The following CHODL variants were observed in gnomAD, a reference collection of about 807,000 sequenced individuals.
The protein encoded by CHODL is chondrolectin.
Under a neutral mutation model 34.5 loss-of-function variants are expected in CHODL, and 29 were observed. The ratio of observed to expected loss-of-function variants is 0.84; its 90% CI spans 0.63 to 1.15. CHODL has a LOEUF of 1.15. CHODL is among the 50% of genes most tolerant of loss of function. The pLI is 0.00. For synonymous variants in CHODL, 125 were observed against 116.1 expected (o/e 1.08, Z -0.49); for missense variants, 332 against 332.5 (o/e 1.00, Z 0.01).
At chr21:18,140,492 C>T (rs1003969433) in intron 2 of CHODL, among the ~76,000 whole-genome samples, 1 of 151,958 alleles carries the variant, frequency 6.6e-6, no homozygotes, top group Non-Finnish European at 1.5e-5. Flanking sequence ...TATGAAAAAC[C>T]CTTATAGACC....
chr21:18,194,479 T>C (rs906821190), intron 2 of CHODL, among the ~76,000 whole-genome samples: 1 of 152,164 alleles, frequency 6.6e-6, no homozygotes, highest in African/African-American at 2.4e-5. Flanking sequence ...CGCTCCTGAT[T>C]TTCTCACGGC....
At chr21:17,979,008 C>A (rs1301974336) in intron 1 of CHODL, among the ~76,000 whole-genome samples, 2 of 152,154 alleles carry the variant, frequency 1.3e-5, no homozygotes, top group Non-Finnish European at 2.9e-5. Context: ...CTTTCCTTTG[C>A]TTTCCTCTTC....
chr21:18,086,976 G>A (rs1664703), intron 2 of CHODL, among the ~76,000 whole-genome samples: 61,883 of 151,740 alleles, frequency 0.41, 13,727 homozygotes, highest in Non-Finnish European at 0.51. Context: ...AGCAGTCCAT[G>A]TGGGTGTTCC....
Position 18,027,662 on chromosome 21 carries a change from A to G in CHODL, c.-144-210A>G, listed in dbSNP as rs143486811. 3.7e-4 allele frequency among the ~76,000 whole-genome samples: 56 copies of G among 152,262 alleles called. 1 individual carries two copies. The highest frequency in any genetic ancestry group is 1.3e-3 in the African/African-American group (54 of 41,558). ...AATTTTGTACCTTGCTGTGACCCCC[A>G]GAGTGATTTCAGTTTGCTATAGACT... is the stretch of plus-strand genomic sequence containing the variant. On this transcript the variant is annotated intron_variant, in intron 1 of 6. Coordinates refer to the CHODL transcript ENST00000400127.
At chr21:17,998,241 A>T (rs1294379126) in intron 1 of CHODL, among the ~76,000 whole-genome samples, 1 of 152,248 alleles carries the variant, frequency 6.6e-6, no homozygotes, top group Admixed American at 6.5e-5. Flanking sequence ...TCTCACACCC[A>T]GGTCATGCTG....
intron 2 of CHODL, among the ~76,000 whole-genome samples, chr21:18,048,764 C>T (rs980443018): frequency 1.3e-5 from 2 of 151,776 alleles, no homozygotes; most frequent in Non-Finnish European, 2.9e-5. Flanking sequence ...TTTTTTGGAT[C>T]TATTTTGCAT....
chr21:18,108,560 G>A (rs1399461636), intron 2 of CHODL, among the ~76,000 whole-genome samples: 1 of 152,126 alleles, frequency 6.6e-6, no homozygotes, highest in Non-Finnish European at 1.5e-5. Flanking sequence ...CAATACAGGT[G>A]CAACACATTA....
chr21:18,046,789 A>T (rs1367298944), intron 2 of CHODL, among the ~76,000 whole-genome samples: 1 of 151,936 alleles, frequency 6.6e-6, no homozygotes, highest in Non-Finnish European at 1.5e-5. Context: ...TAGTTGTCAC[A>T]AAATAGCTAT....
At chr21:18,047,846 A>G (rs887323787) in intron 2 of CHODL, among the ~76,000 whole-genome samples, 2 of 152,004 alleles carry the variant, frequency 1.3e-5, no homozygotes, top group African/African-American at 4.8e-5. Context: ...GATATTGACT[A>G]TGAGAAAAAC....
In CHODL at chr21:18,256,575, C is replaced by A; in HGVS notation, c.146C>A (p.Ser49Tyr). The A allele has an allele frequency of 6.2e-7, 1 of 1,613,690 alleles. No homozygotes were observed. Among genetic ancestry groups the A allele is most frequent in the Non-Finnish European group, 8.5e-7 (1 of 1,179,964 alleles). The change falls in exon 2 of 6, where the codon TCC becomes TAC. Residue 49 changes from serine (S) to tyrosine (Y), a missense_variant. Physicochemically the swap from Ser to Tyr is moderately radical, Grantham distance 144. Transcript: ENST00000299295. ...AAAATGGCCTACTTCCATGAACTGTCCAGCCGAGTGAGCTTTCAGGAGGCA... is the reference window on the plus strand; with the variant it reads ...AAAATGGCCTACTTCCATGAACTGTACAGCCGAGTGAGCTTTCAGGAGGCA... ...CYKMAYFHEL[S>Y]SRVSFQEARL...
chr21:18,151,840 G>C (rs1463024489), intron 2 of CHODL, among the ~76,000 whole-genome samples: 1 of 152,128 alleles, frequency 6.6e-6, no homozygotes, highest in Non-Finnish European at 1.5e-5. Flanking sequence ...TTGTGGTTGA[G>C]AGCAGAGGAA....
chr21:18,119,816 T>C (rs2065458383), intron 2 of CHODL, among the ~76,000 whole-genome samples: 1 of 152,166 alleles, frequency 6.6e-6, no homozygotes, highest in Admixed American at 6.5e-5. Flanking sequence ...ATCTAGTCAA[T>C]GCTCTGATTT....
rs146980152 is a variant in CHODL at position 18,196,054 on chromosome 21, C to CAGAA, written c.-44-60454_-44-60451dup. 9.8e-3 allele frequency among the ~76,000 whole-genome samples: 1,491 copies of CAGAA among 152,240 alleles called. 32 individuals are homozygous for CAGAA. The highest frequency in any genetic ancestry group is 0.034 in the African/African-American group (1,425 of 41,532). ...CGTGTGTAATATAAGAGTGTTGGAT[C>CAGAA]AGAATTATGTCCAAGGTGCTTTCCA... On this transcript the variant is annotated intron_variant, in intron 2 of 6. Transcript: ENST00000400127.
intron 2 of CHODL, among the ~76,000 whole-genome samples, chr21:18,219,892 T>G (rs1438714111): frequency 2.0e-5 from 3 of 152,154 alleles, no homozygotes; most frequent in African/African-American, 7.2e-5. Flanking sequence ...GTCTCTTCAC[T>G]CTGTTGATTG....
chr21:18,262,709 T>C (rs914778522), intron 4 of CHODL, 82 bp from the exon 5 acceptor site: 4 of 799,064 alleles, frequency 5.0e-6, no homozygotes, highest in Non-Finnish European at 8.4e-6. Context: ...TTCACCTGAA[T>C]TTTTTGAAAC....
intron 2 of CHODL, among the ~76,000 whole-genome samples, chr21:18,167,588 C>T (rs1035024167): frequency 1.3e-5 from 2 of 152,128 alleles, no homozygotes; most frequent in African/African-American, 2.4e-5. Context: ...GGTTTACAGG[C>T]GTGAGCCACC....
At chr21:18,157,193 C>T (rs1229244103) in intron 2 of CHODL, among the ~76,000 whole-genome samples, 1 of 152,128 alleles carries the variant, frequency 6.6e-6, no homozygotes, top group Non-Finnish European at 1.5e-5. Context: ...GTTTAGCTTG[C>T]AGAAGCAAGG....
intron 2 of CHODL, among the ~76,000 whole-genome samples, chr21:18,235,026 T>C (rs867450016): frequency 6.6e-6 from 1 of 152,086 alleles, no homozygotes; most frequent in Non-Finnish European, 1.5e-5. Context: ...AGGAGAATAA[T>C]AACATAAGAG....
rs2063230466 is a variant in CHODL, at chr21:17,927,058, ATATGTATGTATATGTATATCTGTGTG to A, written c.-145+9672_-145+9697del. Among the ~76,000 whole-genome samples the A allele has an allele frequency of 3.3e-5, 5 of 150,914 alleles. No individual in the cohort carries two copies. In the South Asian group the frequency reaches 1.0e-3, roughly 31 times the overall value. On this transcript the variant is annotated intron_variant, in intron 1 of 6. Transcript: ENST00000400127. ...TATGTATATGTATGCATATATGTGT[ATATGTATGTATATGTATATCTGTGTG>A]TATGTATGTATATCTGTGTGTATGT...
Sources: allele counts gnomAD v4.1 joint callset (sites outside exome capture counted in the v4.1 genomes callset), GRCh38; gene constraint gnomAD v4.1.1; transcripts MANE v1.5; gene names NCBI Gene and HGNC (gene_info 2026-07-23, HGNC 2026-07-21).